Variants in MYO5B observed in about 807,000 individuals in gnomAD.
MYO5B encodes the protein unconventional myosin-Vb.
In MYO5B, 143 loss-of-function variants were observed where a neutral mutation model predicts 229.3. The observed-to-expected ratio is 0.62, with a 90% CI of 0.54 to 0.72. The LOEUF (loss-of-function observed/expected upper bound fraction) is 0.72. Ranked by LOEUF, MYO5B falls within the 30% of genes least tolerant of loss-of-function variation. The pLI is 0.00. For synonymous variants in MYO5B, 918 were observed against 885.2 expected (o/e 1.04, Z -0.66); for missense variants, 2,321 against 2,331.0 (o/e 1.00, Z 0.09).
At chr18:50,149,168 C>T (rs975706801) in intron 1 of MYO5B, among the ~76,000 whole-genome samples, 2 of 152,186 alleles carry the variant, frequency 1.3e-5, no homozygotes, top group Non-Finnish European at 2.9e-5. Flanking sequence ...CAAACCACTG[C>T]TCAATGTAAT....
At chr18:50,011,262 A>G (rs949442319) in intron 4 of MYO5B, among the ~76,000 whole-genome samples, 9 of 152,106 alleles carry the variant, frequency 5.9e-5, no homozygotes, top group Non-Finnish European at 1.0e-4. Context: ...GAATGGTGTG[A>G]GCCTGGGAGG....
At chr18:50,011,428 G>C (rs1392154962) in intron 4 of MYO5B, among the ~76,000 whole-genome samples, 2 of 152,112 alleles carry the variant, frequency 1.3e-5, no homozygotes, top group Non-Finnish European at 2.9e-5. Flanking sequence ...CCCCAACCCA[G>C]ATACTTCCTC....
At chr18:50,185,300 A>AG (rs2033132510) in intron 1 of MYO5B, among the ~76,000 whole-genome samples, 1 of 151,984 alleles carries the variant, frequency 6.6e-6, no homozygotes, top group Non-Finnish European at 1.5e-5. Flanking sequence ...AAAAAAAAAA[A>AG]AAGAGAGAGA....
At chr18:49,974,676 A>G (rs1225920445) in intron 9 of MYO5B, 61 bp from the exon 10 acceptor site, 3 of 1,570,960 alleles carry the variant, frequency 1.9e-6, no homozygotes, top group African/African-American at 2.7e-5. Flanking sequence ...CCCCCCACCA[A>G]TGTCTTCCAC....
chr18:49,875,617 G>A, intron 26 of MYO5B, 70 bp downstream of exon 26: 1 of 1,602,244 alleles, frequency 6.2e-7, no homozygotes, highest in Non-Finnish European at 8.5e-7. Context: ...TGCCACATGA[G>A]CCCTGGACAC....
At chr18:50,156,666 C>T (rs1369853131) in intron 1 of MYO5B, among the ~76,000 whole-genome samples, 1 of 152,170 alleles carries the variant, frequency 6.6e-6, no homozygotes, top group East Asian at 1.9e-4. Context: ...GACCCACATC[C>T]AAAGGAAGCT....
intron 4 of MYO5B, among the ~76,000 whole-genome samples, chr18:50,018,682 G>A (rs1389509466): frequency 6.6e-6 from 1 of 152,162 alleles, no homozygotes; most frequent in Non-Finnish European, 1.5e-5. Flanking sequence ...TCACACAGCT[G>A]GTTACTGGGC....
chr18:49,973,465 A>G (rs74446588), intron 10 of MYO5B, among the ~76,000 whole-genome samples: 11,974 of 152,200 alleles, frequency 0.079, 620 homozygotes, highest in Non-Finnish European at 0.11. Context: ...CTTCACTTCT[A>G]TGGATCTGAA....
intron 1 of MYO5B, among the ~76,000 whole-genome samples, chr18:50,058,606 T>C (rs966914211): frequency 6.6e-6 from 1 of 151,988 alleles, no homozygotes; most frequent in Non-Finnish European, 1.5e-5. Flanking sequence ...AGGTCAGGAG[T>C]TCGAAACCAG....
chr18:49,833,463 G>C (rs911634974), intron 39 of MYO5B, among the ~76,000 whole-genome samples: 2 of 151,574 alleles, frequency 1.3e-5, no homozygotes, highest in East Asian at 2.0e-4. Context: ...TATTTTGCTA[G>C]AACTGCGAGA....
intron 25 of MYO5B, 103 bp from the exon 26 acceptor site, chr18:49,875,930 C>T: frequency 7.5e-7 from 1 of 1,332,236 alleles, no homozygotes; most frequent in Non-Finnish European, 1.1e-6. Context: ...TCTGTCTCCT[C>T]TCTCCTCCCA....
chr18:50,157,956 C>T (rs1010871973), intron 1 of MYO5B, among the ~76,000 whole-genome samples: 31 of 152,184 alleles, frequency 2.0e-4, no homozygotes, highest in African/African-American at 7.2e-4. Flanking sequence ...CACTGGAACT[C>T]TACAAGTAAA....
intron 1 of MYO5B, among the ~76,000 whole-genome samples, chr18:50,065,310 T>A (rs560872270): frequency 3.5e-4 from 54 of 152,264 alleles, no homozygotes; most frequent in African/African-American, 1.3e-3. Flanking sequence ...AGAGGAGACA[T>A]GATGTCTTAG....
chr18:50,184,901 A>AT (rs1568137035), intron 1 of MYO5B, among the ~76,000 whole-genome samples: 67 of 59,220 alleles, frequency 1.1e-3, no homozygotes, highest in African/African-American at 2.8e-3. Flanking sequence ...CACAGAAAAA[A>AT]ATATATATAT....
intron 22 of MYO5B, among the ~76,000 whole-genome samples, chr18:49,886,497 A>C (rs1568626735): frequency 1.3e-5 from 2 of 152,140 alleles, no homozygotes; most frequent in African/African-American, 2.4e-5. Context: ...TGATAAGCAC[A>C]GTCAGGGACT....
intron 1 of MYO5B, among the ~76,000 whole-genome samples, chr18:50,106,230 C>T (rs188678594): frequency 4.7e-4 from 72 of 152,316 alleles, no homozygotes; most frequent in Non-Finnish European, 7.6e-4. Context: ...CCACTGCCAT[C>T]CCTGTCCAGG....
At chr18:49,959,793 T>C (rs1004765384) in intron 12 of MYO5B, among the ~76,000 whole-genome samples, 1 of 152,060 alleles carries the variant, frequency 6.6e-6, no homozygotes, top group East Asian at 1.9e-4. Context: ...AAATAGGGCT[T>C]AGAAGGCAGC....
chr18:50,122,131 A>T (rs1232423019), intron 1 of MYO5B, among the ~76,000 whole-genome samples: 1 of 152,174 alleles, frequency 6.6e-6, no homozygotes, highest in Non-Finnish European at 1.5e-5. Flanking sequence ...TGAGAACTAA[A>T]CATAAAGTAC....
chr18:50,050,076 C>G (rs1848389940), intron 2 of MYO5B, among the ~76,000 whole-genome samples: 1 of 152,016 alleles, frequency 6.6e-6, no homozygotes, highest in Non-Finnish European at 1.5e-5. Context: ...ATACTTTATG[C>G]TGAAACATTT....
Sources: allele counts gnomAD v4.1 joint callset (sites outside exome capture counted in the v4.1 genomes callset), GRCh38; gene constraint gnomAD v4.1.1; transcripts MANE v1.5; gene names NCBI Gene and HGNC (gene_info 2026-07-23, HGNC 2026-07-21).